The following EBF1 variants were observed in gnomAD, a reference collection of about 807,000 sequenced individuals.
The protein encoded by EBF1 is transcription factor COE1.
Under a neutral mutation model 68.4 loss-of-function variants are expected in EBF1, and 10 were observed. That is an observed-to-expected ratio of 0.15 (90% CI 0.09 to 0.25). The LOEUF is 0.25. Ranked by LOEUF, EBF1 falls within the 10% of genes least tolerant of loss-of-function variation. EBF1 has a pLI of 1.00. For missense variants in EBF1, 509 were observed against 794.4 expected (o/e 0.64, Z 4.32); for synonymous variants, 298 against 299.8 (o/e 0.99, Z 0.06).
chr5:158,925,902 C>T (rs2127421679), intron 6 of EBF1, among the ~76,000 whole-genome samples: 1 of 152,258 alleles, frequency 6.6e-6, no homozygotes, highest in East Asian at 1.9e-4. Flanking sequence ...TACATAAGAA[C>T]AGAAACAGTC....
chr5:158,747,894 G>A (rs1767952220), intron 10 of EBF1, among the ~76,000 whole-genome samples: 1 of 152,142 alleles, frequency 6.6e-6, no homozygotes, highest in African/African-American at 2.4e-5. Context: ...ACGATAGAGG[G>A]GTGACGGATC....
intron 4 of EBF1, among the ~76,000 whole-genome samples, chr5:159,089,788 A>G (rs527719891): frequency 6.6e-6 from 1 of 151,860 alleles, no homozygotes; most frequent in Non-Finnish European, 1.5e-5. Context: ...GGAAAAAGAA[A>G]AAAGAAAAGA....
At position 158,796,296 on chromosome 5, in the gene EBF1, T is replaced by A. The variant is rs371836228; in HGVS notation, c.909+49A>T. ...ATTAGAAATTCAAGTATAGACAGTATCTTCAACTAGATCAAGCTATTAGAT... is the reference window on the plus strand; with the variant it reads ...ATTAGAAATTCAAGTATAGACAGTAACTTCAACTAGATCAAGCTATTAGAT... On this transcript the variant is annotated intron_variant, in intron 9 of 15. Transcript: ENST00000313708. The A allele has an allele frequency of 1.9e-6, 3 of 1,559,584 alleles. No homozygotes were observed. The Admixed American group carries it at 5.2e-5, about 27-fold the overall frequency.
intron 6 of EBF1, among the ~76,000 whole-genome samples, chr5:158,863,455 C>T (rs1795315081): frequency 6.6e-6 from 1 of 152,180 alleles, no homozygotes; most frequent in African/African-American, 2.4e-5. Flanking sequence ...GTATGTTCAT[C>T]TCTGTATCCT....
At chr5:158,998,420 A>AT (rs1333030695) in intron 6 of EBF1, among the ~76,000 whole-genome samples, 4 of 152,070 alleles carry the variant, frequency 2.6e-5, no homozygotes, top group African/African-American at 7.2e-5. Context: ...GCATATATTT[A>AT]TTTCTCTTCC....
At chr5:159,099,247 C>A in intron 1 of EBF1, 98 bp downstream of exon 1, 1 of 1,027,968 alleles carries the variant, frequency 9.7e-7, no homozygotes, top group Non-Finnish European at 1.2e-6. Context: ...CCCCGCCGCC[C>A]GGCCCCGCGG....
chr5:158,918,918 T>C (rs1807798083), intron 6 of EBF1, among the ~76,000 whole-genome samples: 1 of 152,212 alleles, frequency 6.6e-6, no homozygotes, highest in African/African-American at 2.4e-5. Context: ...AGGGCTTATA[T>C]ATAGAAATTA....
intron 7 of EBF1, among the ~76,000 whole-genome samples, chr5:158,827,924 AAAAT>A (rs1270744236): frequency 6.6e-6 from 1 of 152,210 alleles, no homozygotes; most frequent in African/African-American, 2.4e-5. Context: ...TTCCTTCCAA[AAAAT>A]AAACTCTTCC....
chr5:158,731,225 A>C, intron 10 of EBF1, 68 bp from the exon 11 acceptor site: 1 of 1,430,214 alleles, frequency 7.0e-7, no homozygotes, highest in Non-Finnish European at 9.7e-7. Flanking sequence ...TTGCAACACT[A>C]ATGGTGTGGA....
chr5:158,961,567 G>A (rs551551240), intron 6 of EBF1, among the ~76,000 whole-genome samples: 2 of 151,982 alleles, frequency 1.3e-5, no homozygotes, highest in South Asian at 4.2e-4. Context: ...ACACAGTTCT[G>A]ATATATACAG....
At chr5:159,090,291 G>A (rs1229954754) in intron 4 of EBF1, among the ~76,000 whole-genome samples, 4 of 145,230 alleles carry the variant, frequency 2.8e-5, no homozygotes, top group African/African-American at 1.0e-4. Context: ...TCTGGTCTTA[G>A]AAATTTCCAG....
At chr5:158,942,233 G>A (rs1174818350) in intron 6 of EBF1, among the ~76,000 whole-genome samples, 1 of 151,994 alleles carries the variant, frequency 6.6e-6, no homozygotes, top group Non-Finnish European at 1.5e-5. Context: ...TTAGCATTGT[G>A]TCCCTGTATA....
intron 6 of EBF1, among the ~76,000 whole-genome samples, chr5:158,925,766 A>C (rs1809564300): frequency 6.6e-6 from 1 of 152,228 alleles, no homozygotes; most frequent in African/African-American, 2.4e-5. Context: ...AGCTACTGTT[A>C]TTTGGTAGGA....
chr5:158,970,367 TG>T (rs1211370286), intron 6 of EBF1, among the ~76,000 whole-genome samples: 1 of 152,152 alleles, frequency 6.6e-6, no homozygotes, highest in Non-Finnish European at 1.5e-5. Flanking sequence ...AGCCGGAAAT[TG>T]CCAAGGAGAC....
At chr5:159,074,052 G>T (rs769587738) in intron 5 of EBF1, among the ~76,000 whole-genome samples, 4 of 152,130 alleles carry the variant, frequency 2.6e-5, no homozygotes, top group Non-Finnish European at 4.4e-5. Flanking sequence ...TTAAGACAAG[G>T]AAGGGGCAAG....
intron 11 of EBF1, among the ~76,000 whole-genome samples, chr5:158,724,099 TACAGGAGAGAGTGGG>T (rs1363498632): frequency 3.9e-5 from 6 of 152,136 alleles, no homozygotes; most frequent in African/African-American, 1.4e-4. Context: ...TTCTGGTAGA[TACAGGAGAGAGTGGG>T]GGAAATGGAC....
intron 4 of EBF1, among the ~76,000 whole-genome samples, chr5:159,087,411 C>A (rs1215414639): frequency 7.1e-6 from 1 of 140,806 alleles, no homozygotes; most frequent in East Asian, 2.0e-4. Flanking sequence ...TATACACACA[C>A]ATATATACAT....
chr5:158,730,436 G>T (rs1334536935), intron 11 of EBF1, among the ~76,000 whole-genome samples: 1 of 152,178 alleles, frequency 6.6e-6, no homozygotes, highest in Non-Finnish European at 1.5e-5. Flanking sequence ...CCTTCTTTCT[G>T]CACTGGCAAT....
intron 6 of EBF1, among the ~76,000 whole-genome samples, chr5:158,994,130 G>T (rs1413277763): frequency 6.6e-6 from 1 of 152,142 alleles, no homozygotes; most frequent in Non-Finnish European, 1.5e-5. Context: ...CTTCCTGCAG[G>T]TGGGTGCGTC....
Sources: allele counts gnomAD v4.1 joint callset (sites outside exome capture counted in the v4.1 genomes callset), GRCh38; gene constraint gnomAD v4.1.1; transcripts MANE v1.5; gene names NCBI Gene and HGNC (gene_info 2026-07-23, HGNC 2026-07-21).